Variants in USP6 observed in about 807,000 individuals in gnomAD.
The protein encoded by USP6 is ubiquitin specific peptidase 6, also known as ubiquitin carboxyl-terminal hydrolase 6.
In USP6, 128 loss-of-function variants were observed where a neutral mutation model predicts 175.7. The ratio of observed to expected loss-of-function variants is 0.73; its 90% CI spans 0.63 to 0.84. The LOEUF is 0.84. USP6 is among the 40% of genes least tolerant of loss of function. USP6 has a pLI of 0.00. For synonymous variants in USP6, 562 were observed against 630.6 expected (o/e 0.89, Z 1.63); for missense variants, 1,498 against 1,760.3 (o/e 0.85, Z 2.67).
chr17:5,139,608 T>C lies in USP6; in HGVS notation c.1432T>C (p.Trp478Arg). 1 of 1,613,436 alleles carries C rather than the reference T, an allele frequency of 6.2e-7. No individual in the cohort carries two copies. The highest frequency in any genetic ancestry group is 8.5e-7 in the Non-Finnish European group (1 of 1,180,006). Reference protein sequence around the residue: ...FPHYDFEWSCWVRAISQEDQL... With the variant: ...FPHYDFEWSCRVRAISQEDQL... ...CCATTATGATTTTGAATGGAGCTGC[T>C]GGGTCCGTGCCATATCCCAGGAGGA... The change falls in exon 22 of 38, where the codon TGG becomes CGG. Residue 478 changes from tryptophan to arginine, a missense_variant. Coordinates refer to ENST00000574788, the MANE Select transcript of USP6 (RefSeq NM_001304284.2).
In USP6 at chr17:5,142,390, C is replaced by T; in HGVS notation, c.1713-7C>T. On this transcript the variant is annotated splice_region_variant and splice_polypyrimidine_tract_variant and intron_variant, in intron 24 of 37. Transcript: ENST00000574788. The stretch of plus-strand genomic sequence containing the variant: ...TTTGGCAACAAATTTTCCTCTCAAA[C>T]TTCTAGGACAAATCCCATTGGTATG... 6.2e-7 allele frequency: 1 copy of T among 1,610,738 alleles called. No homozygotes were observed. The highest frequency in any genetic ancestry group is 8.5e-7 in the Non-Finnish European group (1 of 1,178,340).
At chr17:5,160,072 A>G (rs2073974564) in intron 31 of USP6, among the ~76,000 whole-genome samples, 1 of 152,104 alleles carries the variant, frequency 6.6e-6, no homozygotes, top group Admixed American at 6.6e-5. Context: ...TTAGAAGAGA[A>G]GTGTTGCACA....
intron 33 of USP6, among the ~76,000 whole-genome samples, chr17:5,165,628 CTA>C (rs1045831768): frequency 6.6e-6 from 1 of 151,964 alleles, no homozygotes; most frequent in African/African-American, 2.4e-5. Flanking sequence ...AAAAATTAAA[CTA>C]GACAAATTCT....
intron 30 of USP6, 99 bp from the exon 31 acceptor site, chr17:5,155,323 G>C: frequency 1.5e-6 from 2 of 1,354,394 alleles, no homozygotes; most frequent in East Asian, 4.7e-5. Flanking sequence ...TGACTAATTT[G>C]AAATGGTGAT....
Position 5,146,231 on chromosome 17 carries a change from C to A in USP6, c.2319+57C>A. On this transcript the variant is annotated intron_variant, in intron 28 of 37. Transcript: ENST00000574788. ...TCTATCCTTCAAAGATGACATTTTT[C>A]TCAATTATGATGATCAGTTGTTAGG... 3.3e-6 allele frequency: 5 copies of A among 1,522,026 alleles called. No homozygotes were observed. The South Asian group carries it at 6.7e-5, about 20-fold the overall frequency. 94.3% of individuals were successfully genotyped at this position (1,522,026 alleles called of 1,614,324 possible).
chr17:5,130,768 A>G (rs972948869), intron 11 of USP6, 84 bp downstream of exon 11: 20 of 1,528,382 alleles, frequency 1.3e-5, no homozygotes. Flanking sequence ...GGCCTTTCTG[A>G]TGCAGGACAT....
chr17:5,172,187 A>C (rs982008765), intron 37 of USP6, among the ~76,000 whole-genome samples: 1 of 151,684 alleles, frequency 6.6e-6, no homozygotes, highest in Admixed American at 6.6e-5. Context: ...AAAAAAAAAA[A>C]AAAAGTAGTT....
intron 4 of USP6, among the ~76,000 whole-genome samples, chr17:5,124,104 C>T (rs1229224151): frequency 6.6e-6 from 1 of 152,222 alleles, no homozygotes; most frequent in Non-Finnish European, 1.5e-5. Context: ...AGGACATGGA[C>T]ATGCTCAACT....
chr17:5,158,668 A>AGAGAGAGAGAGAGATT (rs2073946271), intron 31 of USP6, among the ~76,000 whole-genome samples: 1 of 122,464 alleles, frequency 8.2e-6, no homozygotes, highest in Admixed American at 8.8e-5. Flanking sequence ...AGAGAGAGAG[A>AGAGAGAGAGAGAGATT]GAGATTGAGA....
intron 31 of USP6, among the ~76,000 whole-genome samples, chr17:5,158,139 G>C (rs1300913198): frequency 6.6e-6 from 1 of 152,196 alleles, no homozygotes; most frequent in Non-Finnish European, 1.5e-5. Context: ...GGTATTTAAA[G>C]CCCTGAGACC....
At chr17:5,142,703 A>G (rs960093841) in intron 25 of USP6, among the ~76,000 whole-genome samples, 4 of 152,228 alleles carry the variant, frequency 2.6e-5, no homozygotes, top group African/African-American at 9.6e-5. Flanking sequence ...TAGGATAAAG[A>G]CCAAAGGTAC....
intron 35 of USP6, among the ~76,000 whole-genome samples, 164 bp from the exon 36 acceptor site, chr17:5,170,315 T>G (rs924982594): frequency 2.0e-5 from 3 of 152,228 alleles, no homozygotes; most frequent in Non-Finnish European, 4.4e-5. Flanking sequence ...GACAAAAATG[T>G]AACTTACTGG....
Position 5,136,975 on chromosome 17 carries a change from G to A in USP6, c.760-146G>A, listed in dbSNP as rs73331371. On this transcript the variant is annotated intron_variant, in intron 18 of 37. Coordinates refer to ENST00000574788, the MANE Select transcript of USP6 (RefSeq NM_001304284.2). ...CAGGGCAAAGGGCAGTGTGTCCACC[G>A]GGAGTGTGGGAAGGGGACAGTGTTG... 0.014 allele frequency: 15,835 copies of A among 1,139,724 alleles called. 1,493 individuals carry two copies. In the African/African-American group the frequency reaches 0.21, roughly 15 times the overall value. 70.6% of individuals were successfully genotyped at this position (1,139,724 alleles called of 1,614,324 possible).
At chr17:5,158,622 A>AGT (rs2073940382) in intron 31 of USP6, among the ~76,000 whole-genome samples, 2 of 47,456 alleles carry the variant, frequency 4.2e-5, no homozygotes, top group African/African-American at 6.9e-5. Flanking sequence ...GGGGAGAGAG[A>AGT]GAGAGAGAGA....
At chr17:5,133,690 C>A in intron 14 of USP6, 140 bp downstream of exon 14, 1 of 1,159,598 alleles carries the variant, frequency 8.6e-7, no homozygotes, top group Non-Finnish European at 1.3e-6. Context: ...TGGACGGTGA[C>A]ACAGTCACCA....
At chr17:5,158,616 A>AGAGG (rs2073939927) in intron 31 of USP6, among the ~76,000 whole-genome samples, 1 of 14,922 alleles carries the variant, frequency 6.7e-5, no homozygotes, top group Non-Finnish European at 1.6e-4. Flanking sequence ...GGAGAGGGGG[A>AGAGG]GAGAGAGAGA....
At chr17:5,133,027 C>G in intron 13 of USP6, 37 bp downstream of exon 13, 1 of 1,607,104 alleles carries the variant, frequency 6.2e-7, no homozygotes, top group East Asian at 2.2e-5. Context: ...GAAGCACTCT[C>G]TGCAGAAACA....
At chr17:5,149,192 C>T (rs556825954) in intron 30 of USP6, among the ~76,000 whole-genome samples, 1 of 152,208 alleles carries the variant, frequency 6.6e-6, no homozygotes, top group East Asian at 1.9e-4. Flanking sequence ...CACCTGAGGT[C>T]AGGAGTTCGA....
rs201972485 is a variant in USP6 at position 5,138,159 on chromosome 17, C to T, written c.964C>T (p.Arg322Cys). The T allele has an allele frequency of 6.5e-5, 105 of 1,614,064 alleles. 1 individual carries two copies. Among genetic ancestry groups the T allele is most frequent in the Middle Eastern group, 4.9e-4 (3 of 6,062 alleles). ...MKTSRCGLWA[R>C]LRNQFFDTWA... Reference sequence around the variant, plus strand: ...GACATCCAGGTGTGGCCTGTGGGCACGTCTGCGGAACCAATTCTTCGATAC... The same window carrying T: ...GACATCCAGGTGTGGCCTGTGGGCATGTCTGCGGAACCAATTCTTCGATAC... The change falls in exon 21 of 38, where the codon CGT becomes TGT. Residue 322 changes from arginine to cysteine, a missense_variant. Physicochemically the swap from Arg to Cys is radical, Grantham distance 180 (BLOSUM62 -3). Around this residue, in one of 2 missense-constraint regions of USP6, gnomAD observed 1,217 missense variants for 1,500.8 expected, o/e 0.81. Coordinates refer to ENST00000574788, the MANE Select transcript of USP6 (RefSeq NM_001304284.2).
Sources: gnomAD v4.1 joint callset for allele counts (sites outside exome capture counted in the v4.1 genomes callset) on GRCh38, gnomAD v4.1.1 for gene constraint, gnomAD v4.1.1 regional missense constraint, MANE v1.5 for transcripts, NCBI Gene and HGNC (gene_info 2026-07-23, HGNC 2026-07-21) for gene names.